BCAS3: variants seen among roughly 807,000 people sequenced by gnomAD.
BCAS3 encodes BCAS4/BCAS3 fusion.
Under a neutral mutation model 116.1 loss-of-function variants are expected in BCAS3, and 53 were observed. The ratio of observed to expected loss-of-function variants is 0.46; its 90% CI spans 0.37 to 0.57. The LOEUF is 0.57. Ranked by LOEUF, BCAS3 falls within the 20% of genes least tolerant of loss-of-function variation. The pLI, the probability that BCAS3 is intolerant of heterozygous loss-of-function variation, is 0.00. For missense variants in BCAS3, 917 were observed against 1,165.4 expected, an observed-to-expected ratio of 0.79 and a Z score of 3.10; for synonymous variants, 391 against 408.2, an observed-to-expected ratio of 0.96 and a Z score of 0.51.
At chr17:60,982,950 A>T (rs1409801566) in intron 14 of BCAS3, among the ~76,000 whole-genome samples, 7 of 152,180 alleles carry the variant, frequency 4.6e-5, no homozygotes, top group Admixed American at 3.3e-4. Context: ...GTGGCCAACC[A>T]GGAGCACATA....
At chr17:60,932,879 A>G (rs1049037173) in intron 13 of BCAS3, among the ~76,000 whole-genome samples, 9 of 152,262 alleles carry the variant, frequency 5.9e-5, no homozygotes, top group Admixed American at 3.3e-4. Flanking sequence ...TAGTAATTTA[A>G]AATACCCCAT....
chr17:60,923,789 T>C (rs1285667622), intron 12 of BCAS3, among the ~76,000 whole-genome samples: 1 of 152,144 alleles, frequency 6.6e-6, no homozygotes, highest in African/African-American at 2.4e-5. Context: ...GAAACTCCAT[T>C]TGAGATACAG....
chr17:61,335,114 C>T (rs1323086587), intron 22 of BCAS3, among the ~76,000 whole-genome samples: 2 of 152,214 alleles, frequency 1.3e-5, no homozygotes, highest in Non-Finnish European at 2.9e-5. Flanking sequence ...ATTTTCAGCC[C>T]ATTTCTTTTT....
Position 61,140,294 on chromosome 17 carries a change from C to T in BCAS3, c.2425+55730C>T, listed in dbSNP as rs1297834678. ...CATACTGGACCAATTTGGGAAAGTA[C>T]GGAAGTTTGCTTTGAATATATAGCA... On this transcript the variant is annotated intron_variant, in intron 22 of 23. Transcript: ENST00000407086. The surrounding 1 kb of genome is among the most constrained non-coding windows in gnomAD (Gnocchi z 4.2). 2.0e-5 allele frequency among the ~76,000 whole-genome samples: 3 copies of T among 152,018 alleles called. No individual in the cohort carries two copies. The highest frequency in any genetic ancestry group is 2.1e-4 in the South Asian group (1 of 4,816).
At position 60,772,041 on chromosome 17, in the gene BCAS3, C is replaced by T. The variant is rs370689508; in HGVS notation, c.403+24762C>T. On this transcript the variant is annotated intron_variant, in intron 6 of 23. Transcript: ENST00000407086. ...ACGTGTGCATGTGTCTTTATAGCAGCATGATTTATAATCCTTTGGGTATAT... is the reference window on the plus strand; with the variant it reads ...ACGTGTGCATGTGTCTTTATAGCAGTATGATTTATAATCCTTTGGGTATAT... 4.5e-4 allele frequency among the ~76,000 whole-genome samples: 68 copies of T among 152,246 alleles called. No individual in the cohort carries two copies. The South Asian group carries it at 6.8e-3, about 15-fold the overall frequency.
rs1214440206 is a variant in BCAS3 at position 61,392,233 on chromosome 17, C to T, written c.*108C>T. ...TCTCTGCTCTTCCTTCATCAACCAC[C>T]TTCCCCAAGCTTAGTGACAGCAGCC... On this transcript the variant is annotated 3_prime_UTR_variant, in exon 24 of 24. Coordinates refer to ENST00000407086, the MANE Select transcript of BCAS3 (RefSeq NM_017679.5). This position sits in a 1 kb window ranked among gnomAD's most constrained non-coding sequence, Gnocchi z 6.4. 5.2e-6 allele frequency: 7 copies of T among 1,335,862 alleles called. No homozygotes were observed. Among genetic ancestry groups the T allele is most frequent in the Non-Finnish European group, 7.1e-6 (7 of 982,102 alleles). 82.8% of individuals were successfully genotyped at this position (1,335,862 alleles called of 1,614,324 possible).
chr17:61,070,180 G>A (rs375454127), intron 19 of BCAS3: 15 of 1,564,550 alleles, frequency 9.6e-6, no homozygotes, highest in Non-Finnish European at 1.2e-5. Flanking sequence ...GGATGTTAAA[G>A]CCAACAAGCA....
chr17:61,178,644 T>C (rs1195539679), intron 22 of BCAS3, among the ~76,000 whole-genome samples: 1 of 152,198 alleles, frequency 6.6e-6, no homozygotes, highest in Non-Finnish European at 1.5e-5. Flanking sequence ...AATGTTACAA[T>C]ACAAATGTAT....
At position 61,354,765 on chromosome 17, in the gene BCAS3, C is replaced by T. The variant is rs544753548; in HGVS notation, c.2426-13562C>T. On this transcript the variant is annotated intron_variant, in intron 22 of 23. Coordinates refer to ENST00000407086, the MANE Select transcript of BCAS3 (RefSeq NM_017679.5). The surrounding 1 kb of genome is among the most constrained non-coding windows in gnomAD (Gnocchi z 4.5). ...GAGGTGGAAGGTTGACCACACACTC[C>T]AAATACACATGTTTATTGCCCAAGC... 6 of 152,316 alleles carry T rather than the reference C, an allele frequency of 3.9e-5. No homozygotes were observed. Among genetic ancestry groups the T allele is most frequent in the Admixed American group, 2.0e-4 (3 of 15,306 alleles). The allele number at this position is 152,316 out of a possible 1,614,324, so 9.4% of individuals were successfully genotyped here.
Position 61,228,560 on chromosome 17 carries a change from A to G in BCAS3, c.2426-139767A>G, listed in dbSNP as rs2082493006. 6.6e-6 allele frequency among the ~76,000 whole-genome samples: 1 copy of G among 152,210 alleles called. No homozygotes were observed. The highest frequency in any genetic ancestry group is 2.4e-5 in the African/African-American group (1 of 41,456). On this transcript the variant is annotated intron_variant, in intron 22 of 23. Transcript: ENST00000407086. This position sits in a 1 kb window ranked among gnomAD's most constrained non-coding sequence, Gnocchi z 5.0. ...TGCTCACTTCGTGTCTCTGTGTCAT[A>G]CTATGGTAATTGTCACCAGCTTTCA... is the stretch of plus-strand genomic sequence containing the variant.
chr17:60,910,712 A>T lies in BCAS3; in HGVS notation c.993+10A>T. 1 of 1,597,660 alleles carries T rather than the reference A, an allele frequency of 6.3e-7. No homozygotes were observed. The highest frequency in any genetic ancestry group is 2.3e-5 in the East Asian group (1 of 43,582). On this transcript the variant is annotated intron_variant, in intron 12 of 23. Transcript: ENST00000407086. ...CGTTGGAGAGGGCCAGGTAAGAAGA[A>T]CTTTTGGTGCGTACCATGTGTGTTA...
chr17:61,139,172 G>A lies in BCAS3; in HGVS notation c.2425+54608G>A, dbSNP rs1338828795. On this transcript the variant is annotated intron_variant, in intron 22 of 23. Coordinates refer to ENST00000407086, the MANE Select transcript of BCAS3 (RefSeq NM_017679.5). The surrounding 1 kb of genome is among the most constrained non-coding windows in gnomAD (Gnocchi z 4.7). ...TTGTATTGCTAGTGATAGAAGTTCT[G>A]AATTACGGATACATTCTTAGGCTTA... Among the ~76,000 whole-genome samples, 27 of 152,104 alleles carry A rather than the reference G, an allele frequency of 1.8e-4. No homozygotes were observed.
At chr17:60,814,306 T>TGTGTGTGCGCGCGTGCGC (rs368289350) in intron 7 of BCAS3, among the ~76,000 whole-genome samples, 6 of 148,198 alleles carry the variant, frequency 4.0e-5, no homozygotes, top group African/African-American at 1.5e-4. Flanking sequence ...TGTGTGTGTG[T>TGTGTGTGCGCGCGTGCGC]GCGCGCGTGC....
At chr17:60,936,864 T>A (rs142012128) in intron 13 of BCAS3, among the ~76,000 whole-genome samples, 10 of 152,346 alleles carry the variant, frequency 6.6e-5, no homozygotes, top group African/African-American at 2.2e-4. Flanking sequence ...TTTAGTTTAA[T>A]TAGATCCCAT....
At chr17:60,937,156 G>T (rs949995941) in intron 13 of BCAS3, among the ~76,000 whole-genome samples, 1 of 152,046 alleles carries the variant, frequency 6.6e-6, no homozygotes, top group Non-Finnish European at 1.5e-5. Context: ...GTTTGTCAAA[G>T]ATCAGATGGT....
chr17:60,801,478 T>C (rs972456207), intron 6 of BCAS3, among the ~76,000 whole-genome samples: 1 of 152,120 alleles, frequency 6.6e-6, no homozygotes, highest in Non-Finnish European at 1.5e-5. Context: ...TCTATGACTT[T>C]TACTTTGTTT....
chr17:61,098,533 TA>T lies in BCAS3; in HGVS notation c.2425+13970del, dbSNP rs1179026307. 6.6e-6 allele frequency among the ~76,000 whole-genome samples: 1 copy of T among 152,172 alleles called. No individual in the cohort carries two copies. Among genetic ancestry groups the T allele is most frequent in the Non-Finnish European group, 1.5e-5 (1 of 68,032 alleles). ...GGGGAGGAATTTTTCTAAACCCAAATACCTCAATTTGAAGTGAGGCTTGGCT... is the reference window on the plus strand; with the variant it reads ...GGGGAGGAATTTTTCTAAACCCAAATCCTCAATTTGAAGTGAGGCTTGGCT... On this transcript the variant is annotated intron_variant, in intron 22 of 23. Transcript: ENST00000407086. This position sits in a 1 kb window ranked among gnomAD's most constrained non-coding sequence, Gnocchi z 4.2.
intron 22 of BCAS3, among the ~76,000 whole-genome samples, chr17:61,209,584 G>A (rs1304482900): frequency 6.6e-6 from 1 of 152,192 alleles, no homozygotes; most frequent in African/African-American, 2.4e-5. Context: ...ATGTGTTTCT[G>A]TATGGTTTGT....
rs115348776 is a variant in BCAS3, at chr17:61,222,002, G to A, written c.2425+137438G>A. ...GGCACAGTACCTGGCACACGGTGAC[G>A]TGCTTAACAGGGGCTGATATTACTA... On this transcript the variant is annotated intron_variant, in intron 22 of 23. Coordinates refer to ENST00000407086, the MANE Select transcript of BCAS3 (RefSeq NM_017679.5). The surrounding 1 kb of genome is among the most constrained non-coding windows in gnomAD (Gnocchi z 6.1). Among the ~76,000 whole-genome samples the A allele has an allele frequency of 4.3e-3, 654 of 152,284 alleles. 3 individuals carry two copies. The highest frequency in any genetic ancestry group is 0.015 in the African/African-American group (627 of 41,546).
Sources: allele counts gnomAD v4.1 joint callset (sites outside exome capture counted in the v4.1 genomes callset), GRCh38; gene constraint gnomAD v4.1.1; non-coding constraint Gnocchi (gnomAD v3.1); transcripts MANE v1.5; gene names NCBI Gene and HGNC (gene_info 2026-07-23, HGNC 2026-07-21).